KYAT3: variants seen among roughly 807,000 people sequenced by gnomAD.
KYAT3 encodes the protein kynurenine--oxoglutarate transaminase 3.
In KYAT3, 50 loss-of-function variants were observed where a neutral mutation model predicts 59.0. The ratio of observed to expected loss-of-function variants is 0.85; its 90% confidence interval spans 0.68 to 1.07. The LOEUF (loss-of-function observed/expected upper bound fraction) is 1.07. KYAT3 is among the 50% of genes least tolerant of loss of function. KYAT3 has a pLI of 0.00. For missense variants in KYAT3, 497 were observed against 533.3 expected, an observed-to-expected ratio of 0.93 and a Z score of 0.67; for synonymous variants, 148 against 177.0, an observed-to-expected ratio of 0.84 and a Z score of 1.30.
intron 8 of KYAT3, among the ~76,000 whole-genome samples, chr1:88,960,862 C>T (rs1190109524): frequency 6.6e-6 from 1 of 152,178 alleles, no homozygotes; most frequent in Non-Finnish European, 1.5e-5. Flanking sequence ...CAAGAAAGCT[C>T]CCTGTGTCTT....
intron 13 of KYAT3, 42 bp from the exon 14 acceptor site, chr1:88,936,287 T>TA (rs1238891050): frequency 7.5e-7 from 1 of 1,328,858 alleles, no homozygotes; most frequent in Non-Finnish European, 1.1e-6. Context: ...CAGATATACA[T>TA]AAATTCAAGA....
At chr1:88,976,496 T>C (rs1430489497) in intron 2 of KYAT3, among the ~76,000 whole-genome samples, 1 of 152,218 alleles carries the variant, frequency 6.6e-6, no homozygotes, top group Admixed American at 6.5e-5. Flanking sequence ...GTCTAGAACA[T>C]ACAATTATGT....
intron 2 of KYAT3, among the ~76,000 whole-genome samples, chr1:88,987,932 G>T (rs1018987908): frequency 1.1e-4 from 17 of 152,068 alleles, no homozygotes; most frequent in African/African-American, 4.1e-4. Flanking sequence ...AACCTTTTTC[G>T]ATCCCTGAGC....
chr1:88,964,678 T>C (rs752950428), intron 5 of KYAT3, 151 bp downstream of exon 5: 1 of 670,402 alleles, frequency 1.5e-6, no homozygotes, highest in African/African-American at 1.8e-5. Context: ...AGCTGTACAT[T>C]TAAGATTTGT....
chr1:88,955,872 C>A (rs966773214), intron 8 of KYAT3, among the ~76,000 whole-genome samples: 1 of 151,914 alleles, frequency 6.6e-6, no homozygotes, highest in Non-Finnish European at 1.5e-5. Context: ...TGTGTATGGG[C>A]GTGTGTTTTG....
intron 1 of KYAT3, among the ~76,000 whole-genome samples, chr1:88,992,216 G>T (rs945907960): frequency 1.3e-5 from 2 of 152,144 alleles, no homozygotes; most frequent in African/African-American, 4.8e-5. Flanking sequence ...CTGACCTCGT[G>T]ATCCGCCCGC....
intron 2 of KYAT3, among the ~76,000 whole-genome samples, chr1:88,974,382 G>A (rs879351725): frequency 3.3e-5 from 5 of 150,180 alleles, no homozygotes; most frequent in African/African-American, 7.4e-5. Context: ...GGTTGTTTTT[G>A]TGCCATATTT....
intron 4 of KYAT3, among the ~76,000 whole-genome samples, chr1:88,967,336 T>A (rs896207025): frequency 6.6e-6 from 1 of 152,036 alleles, no homozygotes. Context: ...TGTTGATCAA[T>A]AAGTAAAAGT....
chr1:88,961,278 T>C lies in KYAT3; in HGVS notation c.676A>G (p.Arg226Gly), dbSNP rs761326104. Residue 226 changes from arginine (R) to glycine (G), a missense_variant, in exon 8 of 14, where the codon AGA becomes GGA. By Grantham distance (125) the Arg-to-Gly change is moderately radical. Transcript: ENST00000260508. ...PHNPLGKVYN[R>G]EELQVIADLC... is the part of the protein sequence containing the mutation. Reference sequence around the variant, plus strand: ...TCAGCAATTACTTGCAGTTCCTCTCTGTTATACACCTACACATAATAAAGG... The same window carrying C: ...TCAGCAATTACTTGCAGTTCCTCTCCGTTATACACCTACACATAATAAAGG... The C allele has an allele frequency of 6.2e-7, 1 of 1,613,684 alleles. No individual in the cohort carries two copies. The highest frequency in any genetic ancestry group is 1.7e-5 in the Admixed American group (1 of 60,016).
chr1:88,988,342 CA>C lies in KYAT3; in HGVS notation c.8del (p.Leu3TrpfsTer16). The C allele has an allele frequency of 6.2e-7, 1 of 1,605,928 alleles. No homozygotes were observed. Among genetic ancestry groups the C allele is most frequent in the Non-Finnish European group, 8.5e-7 (1 of 1,174,696 alleles). On this transcript the variant is annotated frameshift_variant, in exon 2 of 14. Coordinates refer to ENST00000260508, the MANE Select transcript of KYAT3 (RefSeq NM_001008661.3). LOFTEE classifies it high-confidence loss of function. MF[L>X]AQRSLCSLSG... ...TAAGAGAGCAGAGGCTCCTCTGGGC[CA>C]AAAACATGCTATTAAATAAAAGAAA...
chr1:88,933,408 T>C (rs370143570), downstream of KYAT3, among the ~76,000 whole-genome samples: 46 of 147,032 alleles, frequency 3.1e-4, no homozygotes, highest in East Asian at 6.4e-3. Flanking sequence ...AGGGAAAAAA[T>C]AGGGGAAGGA....
At chr1:88,935,160 A>AT (rs111681890), downstream of KYAT3, among the ~76,000 whole-genome samples, 1,847 of 142,210 alleles carry the variant, frequency 0.013, 22 homozygotes, top group African/African-American at 0.039. Context: ...CGCCCAGCCA[A>AT]TTTTTTTTTT....
At chr1:88,927,029 G>A in the KYAT3 span, among the ~76,000 whole-genome samples, 4 of 152,034 alleles carry the variant, frequency 2.6e-5, no homozygotes, top group African/African-American at 4.8e-5. Context: ...CAAGAAAGAC[G>A]GAAAAAGGGG....
At chr1:88,928,087 G>T in the KYAT3 span, among the ~76,000 whole-genome samples, 1 of 152,142 alleles carries the variant, frequency 6.6e-6, no homozygotes, top group African/African-American at 2.4e-5. Context: ...GGAAAACTAG[G>T]AAGAAGCCTA....
At chr1:88,938,953 T>G (rs1401679975) in intron 13 of KYAT3, among the ~76,000 whole-genome samples, 1 of 152,164 alleles carries the variant, frequency 6.6e-6, no homozygotes. Flanking sequence ...AAGAAAACAC[T>G]TGTAGAGGTA....
intron 2 of KYAT3, chr1:88,983,443 G>T: frequency 6.2e-7 from 1 of 1,614,180 alleles, no homozygotes; most frequent in East Asian, 2.2e-5. Context: ...CATCATCCAT[G>T]TGTCCTCCTC....
chr1:88,936,033 T>C lies in KYAT3; in HGVS notation c.*150A>G. On this transcript the variant is annotated 3_prime_UTR_variant, in exon 14 of 14. Transcript: ENST00000260508. ...AGGTCAGATCCCCCGAAAATGTTGT[T>C]AGGAGTTGGGTTAACTGCTTTGGAA... 1.9e-6 allele frequency: 1 copy of C among 539,362 alleles called. No individual in the cohort carries two copies. Among genetic ancestry groups the C allele is most frequent in the Non-Finnish European group, 3.3e-6 (1 of 303,780 alleles). The allele number at this position is 539,362 out of a possible 1,614,324, so 33.4% of individuals were successfully genotyped here. A position where few individuals can be genotyped will look rare whatever the true frequency, so the allele number is the denominator to read the frequency against.
intron 2 of KYAT3, among the ~76,000 whole-genome samples, chr1:88,974,019 C>T (rs147459115): frequency 7.2e-5 from 11 of 151,936 alleles, no homozygotes; most frequent in African/African-American, 1.2e-4. Context: ...AAGGTCACAG[C>T]CAAAAAGTTT....
At chr1:88,989,500 C>T (rs1180705699) in intron 1 of KYAT3, among the ~76,000 whole-genome samples, 2 of 152,120 alleles carry the variant, frequency 1.3e-5, no homozygotes, top group Non-Finnish European at 1.5e-5. Context: ...AACCCTCTAA[C>T]GACATAAAGA....
Sources: gnomAD v4.1 joint callset for allele counts (sites outside exome capture counted in the v4.1 genomes callset) on GRCh38, gnomAD v4.1.1 for gene constraint, MANE v1.5 for transcripts, NCBI Gene and HGNC (gene_info 2026-07-23, HGNC 2026-07-21) for gene names.